The following NBEAL1 variants were observed in gnomAD, a reference collection of about 807,000 sequenced individuals.
NBEAL1 encodes neurobeachin-like protein 1.
A neutral mutation model predicts 351.3 loss-of-function variants in NBEAL1; 273 were observed. That is an observed-to-expected ratio of 0.78 (90% confidence interval 0.70 to 0.86). The LOEUF is 0.86. NBEAL1 is among the 40% of genes least tolerant of loss of function. The pLI is 0.00. For synonymous variants in NBEAL1, 1,050 were observed against 1,086.4 expected, an observed-to-expected ratio of 0.97 and a Z score of 0.66; for missense variants, 2,961 against 3,201.3, an observed-to-expected ratio of 0.92 and a Z score of 1.81.
chr2:203,199,373 T>C lies in NBEAL1; in HGVS notation c.7164T>C (p.His2388=). The C allele has an allele frequency of 1.2e-6, 2 of 1,606,470 alleles. No individual in the cohort carries two copies. Among genetic ancestry groups the C allele is most frequent in the African/African-American group, 1.3e-5 (1 of 74,906 alleles). ...GCATGAATTATGTTATTGGAACCCA[T>C]GGATGGTTGCCTTATGACAGAAACA... is the stretch of plus-strand genomic sequence containing the variant. ...TISMNYVIGT[H]GWLPYDRNIS... is the part of the protein sequence containing the mutation. The change falls in exon 49 of 56, where the codon CAT becomes CAC. Residue 2388 remains histidine (H), a synonymous_variant. Coordinates refer to ENST00000683969, the MANE Select transcript of NBEAL1 (RefSeq NM_001378026.1).
At chr2:203,046,652 A>C (rs1420966907) in intron 3 of NBEAL1, among the ~76,000 whole-genome samples, 1 of 152,160 alleles carries the variant, frequency 6.6e-6, no homozygotes, top group Non-Finnish European at 1.5e-5. Context: ...CAGAGGGATG[A>C]ATACTGTGTC....
intron 20 of NBEAL1, 27 bp downstream of exon 20, chr2:203,125,547 A>G: frequency 7.3e-7 from 1 of 1,365,250 alleles, no homozygotes; most frequent in South Asian, 2.0e-5. Context: ...AACACAAAAT[A>G]GTCATTGAGA....
intron 4 of NBEAL1, among the ~76,000 whole-genome samples, chr2:203,051,836 CAG>C (rs1278607589): frequency 2.0e-5 from 3 of 152,034 alleles, no homozygotes; most frequent in African/African-American, 7.2e-5. Context: ...TTTCTATTTC[CAG>C]AGACCTCACT....
Position 203,151,501 on chromosome 2 carries a change from A to G in NBEAL1, c.5499A>G (p.Val1833=). Residue 1833 remains valine (V), a synonymous_variant, in exon 35 of 56, where the codon GTA becomes GTG. Transcript: ENST00000683969. ...QNPIHWKLAN[V]ENYSRMRLKL... is the part of the protein sequence containing the mutation. ...CAATTCACTGGAAGCTAGCTAATGT[A>G]GAGAATTATTCCCGCATGAGACTTA... 6.2e-7 allele frequency: 1 copy of G among 1,608,094 alleles called. No individual in the cohort carries two copies. The highest frequency in any genetic ancestry group is 8.5e-7 in the Non-Finnish European group (1 of 1,177,254).
intron 2 of NBEAL1, among the ~76,000 whole-genome samples, chr2:203,030,763 A>C (rs1393763637): frequency 6.6e-6 from 1 of 152,206 alleles, no homozygotes; most frequent in Admixed American, 6.5e-5. Flanking sequence ...ACAGTGGCTC[A>C]CACCTGTAGT....
intron 35 of NBEAL1, among the ~76,000 whole-genome samples, chr2:203,151,990 C>G (rs2063667006): frequency 6.6e-6 from 1 of 151,890 alleles, no homozygotes; most frequent in African/African-American, 2.4e-5. Flanking sequence ...AAAAGTCTCA[C>G]TCTGTCGCCC....
chr2:203,067,768 A>G (rs2061618478), intron 6 of NBEAL1, among the ~76,000 whole-genome samples: 1 of 152,194 alleles, frequency 6.6e-6, no homozygotes, highest in Non-Finnish European at 1.5e-5. Context: ...TTTATTCTCC[A>G]ATCTCCACAC....
chr2:203,132,108 C>T lies in NBEAL1; in HGVS notation c.3700C>T (p.Leu1234Phe), dbSNP rs1271299867. 2.0e-6 allele frequency: 3 copies of T among 1,534,490 alleles called. No homozygotes were observed. Among genetic ancestry groups the T allele is most frequent in the Admixed American group, 2.0e-5 (1 of 49,986 alleles). The change falls in exon 26 of 56, where the codon CTC becomes TTC. Residue 1234 changes from leucine (L) to phenylalanine (F), a missense_variant. Physicochemically the swap from Leu to Phe is conservative, Grantham distance 22. Transcript: ENST00000683969. ...ALVNTSLIKN[L>F]THQIINTDPV... Reference sequence around the variant, plus strand: ...TGTTAATACTTCTCTTATTAAAAACCTCACCCATCAAATCATAAATACAGG... The same window carrying T: ...TGTTAATACTTCTCTTATTAAAAACTTCACCCATCAAATCATAAATACAGG...
intron 51 of NBEAL1, among the ~76,000 whole-genome samples, chr2:203,205,807 A>G (rs2065537094): frequency 6.6e-6 from 1 of 152,240 alleles, no homozygotes; most frequent in African/African-American, 2.4e-5. Context: ...AATTGCTTCC[A>G]TAATATAGGA....
Position 203,110,139 on chromosome 2 carries a change from A to AT in NBEAL1, c.1950-3dup, listed in dbSNP as rs766391728. ...AACTTTAAAAGTTCTGATAATACGT[A>AT]TTTTTTTTAGTTTTTTTACAGGAAG... On this transcript the variant is annotated splice_polypyrimidine_tract_variant and intron_variant, in intron 14 of 55. Coordinates refer to ENST00000683969, the MANE Select transcript of NBEAL1 (RefSeq NM_001378026.1). The AT allele has an allele frequency of 4.9e-5, 76 of 1,541,350 alleles. No homozygotes were observed. Among genetic ancestry groups the AT allele is most frequent in the African/African-American group, 2.2e-4 (16 of 72,390 alleles).
intron 6 of NBEAL1, among the ~76,000 whole-genome samples, chr2:203,057,967 C>A (rs897460659): frequency 1.3e-5 from 2 of 151,872 alleles, no homozygotes; most frequent in African/African-American, 2.4e-5. Context: ...CCTTAGCCTA[C>A]CGAGTAGCTG....
intron 21 of NBEAL1, among the ~76,000 whole-genome samples, 183 bp downstream of exon 21, chr2:203,126,276 C>G (rs1438721613): frequency 1.3e-5 from 2 of 152,036 alleles, no homozygotes; most frequent in African/African-American, 4.8e-5. Context: ...ACAAGAAATA[C>G]TTATTTTATG....
At chr2:203,164,437 T>G (rs1013335132) in intron 36 of NBEAL1, among the ~76,000 whole-genome samples, 1 of 151,286 alleles carries the variant, frequency 6.6e-6, no homozygotes, top group Non-Finnish European at 1.5e-5. Flanking sequence ...TAATTGGGAT[T>G]TTTTTTTTCT....
At chr2:203,132,318 A>G (rs183205843) in intron 26 of NBEAL1, among the ~76,000 whole-genome samples, 186 bp downstream of exon 26, 8 of 152,324 alleles carry the variant, frequency 5.3e-5, no homozygotes, top group Admixed American at 5.2e-4. Flanking sequence ...TTCCTTACTC[A>G]GTAAATGTTT....
chr2:203,095,957 T>G (rs2062175500), intron 10 of NBEAL1, among the ~76,000 whole-genome samples: 1 of 151,362 alleles, frequency 6.6e-6, no homozygotes, highest in Admixed American at 6.6e-5. Context: ...TTTCACCATG[T>G]TGGCCAGGCT....
chr2:203,191,397 T>A (rs575446568), intron 46 of NBEAL1: 5 of 590,738 alleles, frequency 8.5e-6, no homozygotes, highest in Non-Finnish European at 1.5e-5. Context: ...TACATATATT[T>A]CTTTCCCTAT....
intron 10 of NBEAL1, among the ~76,000 whole-genome samples, chr2:203,093,404 T>C (rs2062109699): frequency 1.3e-5 from 2 of 152,200 alleles, no homozygotes; most frequent in Non-Finnish European, 2.9e-5. Context: ...CTGTTTGTCA[T>C]AGCTATCATG....
chr2:203,132,353 A>G (rs1167012895), intron 26 of NBEAL1, among the ~76,000 whole-genome samples: 6 of 152,250 alleles, frequency 3.9e-5, no homozygotes, highest in Admixed American at 2.0e-4. Flanking sequence ...TAAGTTAATA[A>G]GTGAGTCCAC....
intron 2 of NBEAL1, among the ~76,000 whole-genome samples, chr2:203,019,925 G>T (rs2060739885): frequency 6.6e-6 from 1 of 152,088 alleles, no homozygotes; most frequent in African/African-American, 2.4e-5. Flanking sequence ...TTAGCAGATG[G>T]AGTCCCAATA....
Sources: gnomAD v4.1 joint callset for allele counts (sites outside exome capture counted in the v4.1 genomes callset) on GRCh38, gnomAD v4.1.1 for gene constraint, MANE v1.5 for transcripts, NCBI Gene and HGNC (gene_info 2026-07-23, HGNC 2026-07-21) for gene names.